The following SAMMSON variants were observed in gnomAD, a reference collection of about 807,000 sequenced individuals.
The protein encoded by SAMMSON is survival associated mitochondrial melanoma specific oncogenic non-coding RNA.
intron 4 of SAMMSON, among the ~76,000 whole-genome samples, chr3:70,192,059 CT>C (rs1701134704): frequency 6.6e-6 from 1 of 152,074 alleles, no homozygotes. Flanking sequence ...TGGTCCACCC[CT>C]AACTATATAC....
intron 1 of SAMMSON, among the ~76,000 whole-genome samples, chr3:70,004,771 T>A (rs1172924875): frequency 6.7e-6 from 1 of 149,770 alleles, no homozygotes; most frequent in Admixed American, 6.8e-5. Context: ...TGAGTTCAGA[T>A]AATGAGACAT....
intron 3 of SAMMSON, among the ~76,000 whole-genome samples, chr3:70,028,147 CT>C (rs2067049449): frequency 1.1e-4 from 4 of 37,564 alleles, no homozygotes; most frequent in Non-Finnish European, 8.8e-5. Context: ...TCCTTCTTTC[CT>C]TCCTTCCTTC....
At chr3:70,104,463 T>G (rs527543532) in intron 4 of SAMMSON, among the ~76,000 whole-genome samples, 1 of 152,070 alleles carries the variant, frequency 6.6e-6, no homozygotes, top group African/African-American at 2.4e-5. Context: ...CATTTGATGA[T>G]GCTGATAGAA....
intron 6 of SAMMSON, among the ~76,000 whole-genome samples, chr3:70,290,360 G>C (rs1021215240): frequency 3.3e-5 from 5 of 152,190 alleles, no homozygotes; most frequent in Non-Finnish European, 7.3e-5. Context: ...GTGCCTCCCA[G>C]TTAGGCTGCT....
chr3:70,349,010 GGT>G (rs750303541), intron 7 of SAMMSON, among the ~76,000 whole-genome samples: 4 of 152,090 alleles, frequency 2.6e-5, no homozygotes, highest in Non-Finnish European at 5.9e-5. Flanking sequence ...GCTGCGGCTT[GGT>G]GTGTGATCCT....
intron 8 of SAMMSON, among the ~76,000 whole-genome samples, chr3:70,357,190 A>G (rs1037876930): frequency 2.0e-5 from 3 of 152,142 alleles, no homozygotes; most frequent in African/African-American, 2.4e-5. Flanking sequence ...AATAAACAAC[A>G]TTGAACTGCA....
At chr3:70,124,157 T>C (rs1398682371) in intron 4 of SAMMSON, among the ~76,000 whole-genome samples, 1 of 152,228 alleles carries the variant, frequency 6.6e-6, no homozygotes, top group African/African-American at 2.4e-5. Context: ...TCCTGGGTTG[T>C]ACTTTGTCTT....
intron 4 of SAMMSON, among the ~76,000 whole-genome samples, chr3:70,192,376 T>G (rs1328149474): frequency 6.6e-6 from 1 of 152,118 alleles, no homozygotes; most frequent in Non-Finnish European, 1.5e-5. Flanking sequence ...CAGTTGCCAA[T>G]CAAGATGTGA....
intron 4 of SAMMSON, among the ~76,000 whole-genome samples, chr3:70,170,875 C>T (rs1021431835): frequency 2.6e-5 from 4 of 151,788 alleles, no homozygotes; most frequent in African/African-American, 9.7e-5. Context: ...AGTCTTTGAC[C>T]ACATTTTGTT....
rs568052824 is a variant in SAMMSON, at chr3:70,296,471, C to T, written n.739+5228C>T. 1.4e-4 allele frequency among the ~76,000 whole-genome samples: 22 copies of T among 152,134 alleles called. 1 individual carries two copies. The highest frequency in any genetic ancestry group is 1.0e-3 in the Admixed American group (16 of 15,276). Reference sequence around the variant, plus strand: ...TTATAGAACCCATCACCTCTCACACCGTGACATTGGTTAACATAATTTTCC... The same window carrying T: ...TTATAGAACCCATCACCTCTCACACTGTGACATTGGTTAACATAATTTTCC... On this transcript the variant is annotated intron_variant and non_coding_transcript_variant, in intron 7 of 9. Transcript: ENST00000642114.
At chr3:70,050,216 C>G (rs2067141167) in intron 3 of SAMMSON, among the ~76,000 whole-genome samples, 1 of 152,126 alleles carries the variant, frequency 6.6e-6, no homozygotes, top group African/African-American at 2.4e-5. Flanking sequence ...ATTCTTTCTA[C>G]TCGATTAAAA....
chr3:70,073,146 A>C (rs1244686193), intron 4 of SAMMSON, among the ~76,000 whole-genome samples: 1 of 152,010 alleles, frequency 6.6e-6, no homozygotes, highest in Non-Finnish European at 1.5e-5. Context: ...ATGGGACTCC[A>C]GTGGCCTTAC....
intron 4 of SAMMSON, chr3:70,159,594 GCT>G (rs1238135674): frequency 6.6e-6 from 1 of 151,186 alleles, no homozygotes; most frequent in Non-Finnish European, 1.5e-5. Flanking sequence ...ATGGAGTCTC[GCT>G]CTGTCACCCA....
intron 4 of SAMMSON, among the ~76,000 whole-genome samples, chr3:70,090,181 A>G (rs972533221): frequency 6.6e-5 from 10 of 152,258 alleles, no homozygotes; most frequent in Non-Finnish European, 1.2e-4. Flanking sequence ...TTAAAGTCCA[A>G]TCTTCCTAAT....
intron 4 of SAMMSON, among the ~76,000 whole-genome samples, chr3:70,094,324 T>C (rs2067316310): frequency 6.6e-6 from 1 of 152,204 alleles, no homozygotes; most frequent in Admixed American, 6.5e-5. Context: ...CCTTCCAGTG[T>C]ATTCTACTCC....
intron 7 of SAMMSON, among the ~76,000 whole-genome samples, chr3:70,345,069 G>T (rs1702740445): frequency 6.6e-6 from 1 of 152,130 alleles, no homozygotes; most frequent in Non-Finnish European, 1.5e-5. Context: ...CATTCTACAT[G>T]TAACAATCTA....
At chr3:70,277,641 C>T (rs1275831324) in intron 6 of SAMMSON, among the ~76,000 whole-genome samples, 1 of 152,156 alleles carries the variant, frequency 6.6e-6, no homozygotes, top group Non-Finnish European at 1.5e-5. Context: ...TGGTTTATTT[C>T]TTCTAATGAA....
chr3:70,346,317 T>TC (rs1324741548), intron 7 of SAMMSON, among the ~76,000 whole-genome samples: 1 of 151,878 alleles, frequency 6.6e-6, no homozygotes, highest in Non-Finnish European at 1.5e-5. Flanking sequence ...CATTGTTTTT[T>TC]TTTTTTTTCA....
intron 7 of SAMMSON, among the ~76,000 whole-genome samples, chr3:70,296,579 A>G (rs1702291361): frequency 6.6e-6 from 1 of 152,192 alleles, no homozygotes; most frequent in Non-Finnish European, 1.5e-5. Flanking sequence ...CTGTGTTTCC[A>G]GTGGAATAAA....
Sources: gnomAD v4.1 joint callset for allele counts (sites outside exome capture counted in the v4.1 genomes callset) on GRCh38, gnomAD v4.1.1 for gene constraint, MANE v1.5 for transcripts, NCBI Gene and HGNC (gene_info 2026-07-23, HGNC 2026-07-21) for gene names.